DNAH12: variants seen among roughly 807,000 people sequenced by gnomAD.
DNAH12 encodes the protein axonemal beta dynein heavy chain 12.
A neutral mutation model predicts 371.5 loss-of-function variants in DNAH12; 285 were observed. That is an observed-to-expected ratio of 0.77 (90% CI 0.70 to 0.85). DNAH12 has a LOEUF of 0.85. DNAH12 is among the 40% of genes least tolerant of loss of function. DNAH12 has a pLI of 0.00. For synonymous variants in DNAH12, 1,200 were observed against 1,213.0 expected (o/e 0.99, Z 0.22); for missense variants, 3,611 against 3,689.4 (o/e 0.98, Z 0.55).
intron 11 of DNAH12, among the ~76,000 whole-genome samples, chr3:57,495,941 AT>A (rs1232335984): frequency 2.8e-5 from 4 of 145,092 alleles, no homozygotes; most frequent in Non-Finnish European, 4.5e-5. Flanking sequence ...ATTTTATACT[AT>A]TTTATCTATT....
At chr3:57,449,341 G>A (rs1403494921) in intron 25 of DNAH12, among the ~76,000 whole-genome samples, 2 of 152,218 alleles carry the variant, frequency 1.3e-5, no homozygotes, top group African/African-American at 2.4e-5. Context: ...CACGCTGTGC[G>A]CTCGCACTCC....
chr3:57,525,255 A>G (rs2068603102), intron 2 of DNAH12, among the ~76,000 whole-genome samples: 1 of 152,074 alleles, frequency 6.6e-6, no homozygotes, highest in South Asian at 2.1e-4. Context: ...GACCATGTCT[A>G]TTTTGCTCAC....
At chr3:57,404,270 A>G (rs1174463545) in intron 42 of DNAH12, among the ~76,000 whole-genome samples, 1 of 152,190 alleles carries the variant, frequency 6.6e-6, no homozygotes, top group African/African-American at 2.4e-5. Context: ...AGTGGTAAAT[A>G]TTCATTTTTC....
intron 69 of DNAH12, among the ~76,000 whole-genome samples, chr3:57,308,331 A>G (rs544029172): frequency 6.6e-6 from 1 of 152,282 alleles, no homozygotes; most frequent in South Asian, 2.1e-4. Flanking sequence ...TCAGGCTCTT[A>G]GTATTCAGTG....
chr3:57,445,528 G>T, intron 27 of DNAH12, 109 bp from the exon 28 acceptor site: 2 of 994,932 alleles, frequency 2.0e-6, no homozygotes. Context: ...TCCAAATGCA[G>T]CACCTTTTTC....
intron 13 of DNAH12, among the ~76,000 whole-genome samples, chr3:57,480,850 C>G (rs2066717594): frequency 6.6e-6 from 1 of 152,092 alleles, no homozygotes; most frequent in African/African-American, 2.4e-5. Context: ...GCGGAAAAGG[C>G]CTTTGACAAA....
At chr3:57,521,780 A>G (rs993308069) in intron 4 of DNAH12, among the ~76,000 whole-genome samples, 2 of 152,020 alleles carry the variant, frequency 1.3e-5, no homozygotes, top group African/African-American at 4.8e-5. Flanking sequence ...TTAGCTACTC[A>G]GGAGGCTGAG....
intron 60 of DNAH12, among the ~76,000 whole-genome samples, chr3:57,335,160 G>A (rs1034038813): frequency 6.6e-6 from 1 of 152,178 alleles, no homozygotes; most frequent in African/African-American, 2.4e-5. Flanking sequence ...AGGTGAATAA[G>A]GTGATCCCCG....
At chr3:57,329,407 A>G (rs1175834706) in intron 62 of DNAH12, among the ~76,000 whole-genome samples, 3 of 124,108 alleles carry the variant, frequency 2.4e-5, no homozygotes, top group African/African-American at 7.1e-5. Context: ...AAATAACGCC[A>G]CATATCTACA....
intron 2 of DNAH12, among the ~76,000 whole-genome samples, chr3:57,531,121 T>G (rs181499281): frequency 6.6e-6 from 1 of 152,372 alleles, no homozygotes; most frequent in Admixed American, 6.5e-5. Context: ...CTGAGTTTTG[T>G]ACTTTCAGAT....
At chr3:57,402,658 G>A (rs1553679355) in intron 43 of DNAH12, among the ~76,000 whole-genome samples, 1 of 152,196 alleles carries the variant, frequency 6.6e-6, no homozygotes, top group African/African-American at 2.4e-5. Context: ...GTAGAGAGTA[G>A]AAAGACACTT....
At chr3:57,309,617 T>C (rs1207592203) in intron 68 of DNAH12, 49 bp downstream of exon 68, 1 of 1,375,770 alleles carries the variant, frequency 7.3e-7, no homozygotes, top group Non-Finnish European at 9.5e-7. Flanking sequence ...GTCATTTCAG[T>C]ATCATTTTTA....
intron 15 of DNAH12, among the ~76,000 whole-genome samples, 152 bp from the exon 16 acceptor site, chr3:57,470,788 C>A (rs1202917661): frequency 6.6e-6 from 1 of 152,142 alleles, no homozygotes; most frequent in Non-Finnish European, 1.5e-5. Context: ...CTCACTGCAA[C>A]CTCTGCCCCG....
intron 73 of DNAH12, among the ~76,000 whole-genome samples, chr3:57,295,272 G>A (rs769155259): frequency 2.6e-5 from 4 of 152,138 alleles, no homozygotes; most frequent in Non-Finnish European, 5.9e-5. Context: ...TGTAGAAGTG[G>A]GGGGAGGGGC....
chr3:57,541,560 C>A (rs1487411678), intron 2 of DNAH12, among the ~76,000 whole-genome samples: 1 of 151,452 alleles, frequency 6.6e-6, no homozygotes. Context: ...CGATGAGGGT[C>A]TCACTACCTT....
intron 36 of DNAH12, among the ~76,000 whole-genome samples, chr3:57,420,908 CAAAAA>C (rs369971376): frequency 2.6e-4 from 20 of 78,014 alleles, no homozygotes; most frequent in African/African-American, 9.5e-4. Flanking sequence ...GACTCCGTCT[CAAAAA>C]AAAAAAAAAA....
chr3:57,392,263 A>C (rs1277870036), intron 44 of DNAH12, among the ~76,000 whole-genome samples, 197 bp from the exon 45 acceptor site: 1 of 152,220 alleles, frequency 6.6e-6, no homozygotes, highest in Non-Finnish European at 1.5e-5. Context: ...CTATAATTTA[A>C]AAACAAGTTA....
intron 60 of DNAH12, among the ~76,000 whole-genome samples, chr3:57,351,206 T>C (rs2062665597): frequency 6.6e-6 from 1 of 150,616 alleles, no homozygotes; most frequent in African/African-American, 2.5e-5. Context: ...GAGGCGGAGG[T>C]TGTGGTGAGC....
In DNAH12 at chr3:57,487,988, C is replaced by A. The variant is rs559216611; in HGVS notation, c.1514+1521G>T. ...GGGAAAGGTTCTAATACTTTACCCT[C>A]TTTGATATCTTCTCGTGTAGTATAC... On this transcript the variant is annotated intron_variant, in intron 12 of 73. Coordinates refer to ENST00000495027, the MANE Select transcript of DNAH12 (RefSeq NM_001366028.2). 2.0e-5 allele frequency among the ~76,000 whole-genome samples: 3 copies of A among 151,956 alleles called. No individual in the cohort carries two copies. In the South Asian group the frequency reaches 6.2e-4, roughly 32 times the overall value.
Sources: allele counts gnomAD v4.1 joint callset (sites outside exome capture counted in the v4.1 genomes callset), GRCh38; gene constraint gnomAD v4.1.1; transcripts MANE v1.5; gene names NCBI Gene and HGNC (gene_info 2026-07-23, HGNC 2026-07-21).